SON: variants seen among roughly 807,000 people sequenced by gnomAD.
SON encodes the protein protein SON.
A neutral mutation model predicts 173.3 loss-of-function variants in SON; 4 were observed. The ratio of observed to expected loss-of-function variants is 0.02; its 90% CI spans 0.01 to 0.05. SON has a LOEUF of 0.05. Ranked by LOEUF, SON falls within the 10% of genes least tolerant of loss-of-function variation. The probability of loss-of-function intolerance (pLI) is 1.00; values close to 1 mark genes in which losing one functional copy is unlikely to be tolerated. For missense variants in SON, 2,626 were observed against 3,055.3 expected (o/e 0.86, Z 3.31); for synonymous variants, 1,190 against 1,105.9 (o/e 1.08, Z -1.51).
chr21:33,554,310 A>C lies in SON; in HGVS notation c.5079A>C (p.Ala1693=), dbSNP rs769063333. 7 of 1,614,194 alleles carry C rather than the reference A, an allele frequency of 4.3e-6. No individual in the cohort carries two copies. The highest frequency in any genetic ancestry group is 1.7e-5 in the Admixed American group (1 of 60,026). The stretch of plus-strand genomic sequence containing the variant: ...TAAAAGAGAGTGACCAGACATTAGC[A>C]GCTCTGCTCAGCCCTAAAGAAAGTA... The part of the protein sequence containing the change: ...LPVKESDQTL[A]ALLSPKESSG... The change falls in exon 3 of 12, where the codon GCA becomes GCC. Residue 1693 remains alanine (A), a synonymous_variant. Transcript: ENST00000356577.
chr21:33,543,266 C>T, intron 1 of SON, 97 bp downstream of exon 1: 2 of 1,199,628 alleles, frequency 1.7e-6, no homozygotes, highest in South Asian at 2.5e-5. Context: ...CGTTCCCCGG[C>T]TCAGGCCCCG....
chr21:33,572,577 GC>G, intron 8 of SON: 1 of 1,304,090 alleles, frequency 7.7e-7, no homozygotes, highest in Non-Finnish European at 1.0e-6. Flanking sequence ...CTGTCTTCTT[GC>G]CCCGGTCAGT....
rs759967226 is a variant in SON, at chr21:33,549,800, C to T, written c.569C>T (p.Pro190Leu). 4 of 1,614,226 alleles carry T rather than the reference C, an allele frequency of 2.5e-6. No individual in the cohort carries two copies. Among genetic ancestry groups the T allele is most frequent in the Middle Eastern group, 1.6e-4 (1 of 6,062 alleles). Residue 190 changes from proline to leucine, a missense_variant, in exon 3 of 12, where the codon CCT becomes CTT. Pro to Leu is a moderately conservative substitution (Grantham distance 98). Transcript: ENST00000356577. ...TCCCCTGCAGTTGTGCTAGAACCTC[C>T]TGTAGTATCAATGGAGGTATCAGAG... The part of the protein sequence containing the change: ...NESPAVVLEP[P>L]VVSMEVSEPH...
At chr21:33,560,144 G>C (rs1420344430) in intron 6 of SON, 1 of 1,607,796 alleles carries the variant, frequency 6.2e-7, no homozygotes, top group South Asian at 1.1e-5. Context: ...AATTTATCGG[G>C]TGGAGGGATT....
intron 3 of SON, among the ~76,000 whole-genome samples, chr21:33,556,025 G>A (rs765164265): frequency 6.6e-6 from 1 of 152,150 alleles, no homozygotes; most frequent in Non-Finnish European, 1.5e-5. Flanking sequence ...GATTTTTAGT[G>A]TGCAGAGGTG....
chr21:33,556,790 A>G (rs12626839), intron 3 of SON, among the ~76,000 whole-genome samples: 12,841 of 151,440 alleles, frequency 0.085, 762 homozygotes, highest in East Asian at 0.25. Context: ...GAGTAAGGTC[A>G]TGATAATTTT....
rs2085848680 is a variant in SON, at chr21:33,553,028, C to T, written c.3797C>T (p.Ser1266Phe). ...TCAATTACGTTAACACCTGTAGAGT[C>T]TGCAGTAGTAGCAGAAGAACATGAA... Reference protein sequence around the residue: ...ESSITLTPVESAVVAEEHEVV... With the variant: ...ESSITLTPVEFAVVAEEHEVV... Residue 1266 changes from serine to phenylalanine, a missense_variant, in exon 3 of 12, where the codon TCT becomes TTT. Coordinates refer to ENST00000356577, the MANE Select transcript of SON (RefSeq NM_138927.4). The T allele has an allele frequency of 2.5e-6, 4 of 1,612,686 alleles. No homozygotes were observed. In the African/African-American group the frequency reaches 5.3e-5, roughly 22 times the overall value.
rs1569051246 is a variant in SON at position 33,550,040 on chromosome 21, A to T, written c.809A>T (p.Tyr270Phe). The T allele has an allele frequency of 1.9e-6, 3 of 1,614,156 alleles. No individual in the cohort carries two copies. Among genetic ancestry groups the T allele is most frequent in the African/African-American group, 1.3e-5 (1 of 75,062 alleles). ...SEPVVTMSVE[Y>F]QMKSVLKSVE... ...CCAGTTGTAACAATGTCAGTGGAGT[A>T]TCAGATGAAGTCTGTGCTGAAATCT... The change falls in exon 3 of 12, where the codon TAT (tyrosine) becomes TTT (phenylalanine). Residue 270 changes from tyrosine (Y) to phenylalanine (F), a missense_variant. Physicochemically the swap from Tyr to Phe is conservative, Grantham distance 22 (BLOSUM62 3). Transcript: ENST00000356577.
Position 33,554,511 on chromosome 21 carries a change from T to C in SON, c.5280T>C (p.Asp1760=), listed in dbSNP as rs77137462. 790 of 1,614,130 alleles carry C rather than the reference T, an allele frequency of 4.9e-4. 3 individuals are homozygous for C. In the African/African-American group the frequency reaches 9.4e-3, roughly 19 times the overall value. Residue 1760 remains aspartate, a synonymous_variant, in exon 3 of 12, where the codon GAT becomes GAC. Transcript: ENST00000356577. ...AGIEGPLLAS[D]VGRDRSAASP... ...TTGAAGGACCTTTACTTGCAAGTGATGTTGGACGTGACAGATCTGCTGCCA... is the reference window on the plus strand; with the variant it reads ...TTGAAGGACCTTTACTTGCAAGTGACGTTGGACGTGACAGATCTGCTGCCA...
At position 33,551,563 on chromosome 21, in the gene SON, A is replaced by C; in HGVS notation, c.2332A>C (p.Thr778Pro). Residue 778 changes from threonine (T) to proline (P), a missense_variant, in exon 3 of 12, where the codon ACT becomes CCT. Physicochemically the swap from Thr to Pro is conservative, Grantham distance 38. Coordinates refer to ENST00000356577, the MANE Select transcript of SON (RefSeq NM_138927.4). ...CTCCATGGACTCCCAGATGTTAGCA[A>C]CTAGCTCCATGGACTCCCAGATGTT... is the stretch of plus-strand genomic sequence containing the variant. ...TSSMDSQMLA[T>P]SSMDSQMLAT... The C allele has an allele frequency of 6.2e-7, 1 of 1,612,382 alleles. No individual in the cohort carries two copies. Among genetic ancestry groups the C allele is most frequent in the Non-Finnish European group, 8.5e-7 (1 of 1,179,632 alleles).
chr21:33,547,262 G>A (rs913553458), intron 2 of SON, among the ~76,000 whole-genome samples: 10 of 152,180 alleles, frequency 6.6e-5, no homozygotes, highest in African/African-American at 2.2e-4. Flanking sequence ...GATTACAGGC[G>A]TGAGCCACCG....
Position 33,551,442 on chromosome 21 carries a change from G to A in SON, c.2211G>A (p.Ala737=), listed in dbSNP as rs1224196054. The A allele has an allele frequency of 1.6e-5, 26 of 1,613,588 alleles. No homozygotes were observed. The highest frequency in any genetic ancestry group is 8.9e-5 in the East Asian group (4 of 44,866). The change falls in exon 3 of 12, where the codon GCG becomes GCA. Residue 737 remains alanine, a synonymous_variant. Coordinates refer to ENST00000356577, the MANE Select transcript of SON (RefSeq NM_138927.4). ...ACACCATGGACTCCCAAATGCTAGC[G>A]TCCAACACCATGGACTCCCAGATGC... ...ASNTMDSQML[A]SNTMDSQMLA...
At position 33,560,228 on chromosome 21, in the gene SON, A is replaced by G. The variant is rs540155765; in HGVS notation, c.6657+453A>G. The G allele has an allele frequency of 3.9e-6, 6 of 1,520,712 alleles. No individual in the cohort carries two copies. The East Asian group carries it at 9.1e-5, about 23-fold the overall frequency. 94.2% of individuals were successfully genotyped at this position (1,520,712 alleles called of 1,614,324 possible). ...AAGGTCATTGTAGGTTGATGTGAGC[A>G]TCTTGGGTACATAGCCCATTGCCCT... On this transcript the variant is annotated intron_variant, in intron 6 of 11. Coordinates refer to ENST00000356577, the MANE Select transcript of SON (RefSeq NM_138927.4).
At chr21:33,560,750 G>A in intron 6 of SON, 1 of 353,834 alleles carries the variant, frequency 2.8e-6, no homozygotes, top group Non-Finnish European at 4.0e-6. Context: ...CTATAGATTA[G>A]TTGTCATCGC....
In SON at chr21:33,550,425, T is replaced by A. The variant is rs773170098; in HGVS notation, c.1194T>A (p.Pro398=). The part of the protein sequence containing the change: ...ATSMPELQGP[P]VTPVLELPGP... ...CCATGCCGGAGTTGCAGGGGCCCCCTGTGACTCCAGTGCTGGAGTTACCTG... is the reference window on the plus strand; with the variant it reads ...CCATGCCGGAGTTGCAGGGGCCCCCAGTGACTCCAGTGCTGGAGTTACCTG... The change falls in exon 3 of 12, where the codon CCT becomes CCA. Residue 398 remains proline (P), a synonymous_variant. Transcript: ENST00000356577. 4 of 1,613,794 alleles carry A rather than the reference T, an allele frequency of 2.5e-6. No homozygotes were observed. Among genetic ancestry groups the A allele is most frequent in the Non-Finnish European group, 3.4e-6 (4 of 1,179,904 alleles).
rs2085769061 is a variant in SON at position 33,551,081 on chromosome 21, C to G, written c.1850C>G (p.Ala617Gly). 2 of 1,612,338 alleles carry G rather than the reference C, an allele frequency of 1.2e-6. No individual in the cohort carries two copies. Among genetic ancestry groups the G allele is most frequent in the African/African-American group, 1.3e-5 (1 of 74,662 alleles). The part of the protein sequence containing the change: ...EFSGQSGAAG[A>G]LELLGQPLAT... ...TCGGGGCAGTCTGGGGCAGCTGGAG[C>G]ACTGGAGCTTTTGGGGCAGCCTCTG... Residue 617 changes from alanine to glycine, a missense_variant, in exon 3 of 12, where the codon GCA becomes GGA. Transcript: ENST00000356577.
At chr21:33,563,306 G>A (rs1025193189) in intron 6 of SON, among the ~76,000 whole-genome samples, 1 of 152,044 alleles carries the variant, frequency 6.6e-6, no homozygotes, top group Admixed American at 6.5e-5. Flanking sequence ...AAAAAGATTC[G>A]TAATTCACTT....
At chr21:33,563,988 C>T (rs1165385622) in intron 6 of SON, among the ~76,000 whole-genome samples, 1 of 152,104 alleles carries the variant, frequency 6.6e-6, no homozygotes, top group Non-Finnish European at 1.5e-5. Flanking sequence ...AACATTTCCC[C>T]CATTATCATA....
chr21:33,546,463 C>G (rs1412938264), intron 2 of SON, 84 bp downstream of exon 2: 3 of 1,096,906 alleles, frequency 2.7e-6, no homozygotes, highest in Non-Finnish European at 4.0e-6. Context: ...TTTTTGACTT[C>G]AGTATTTAAG....
Sources: gnomAD v4.1 joint callset for allele counts (sites outside exome capture counted in the v4.1 genomes callset) on GRCh38, gnomAD v4.1.1 for gene constraint, MANE v1.5 for transcripts, NCBI Gene and HGNC (gene_info 2026-07-23, HGNC 2026-07-21) for gene names.